NCK1: variants seen among roughly 807,000 people sequenced by gnomAD.
NCK1 encodes the protein SH2/SH3 adapter protein NCK1.
NCK1 carries 19 observed loss-of-function variants against 36.6 expected under a neutral mutation model. That is an observed-to-expected ratio of 0.52 (90% confidence interval 0.36 to 0.76). NCK1 has a LOEUF of 0.76. Ranked by LOEUF, NCK1 falls within the 30% of genes least tolerant of loss-of-function variation. NCK1 has a pLI of 0.00. For synonymous variants in NCK1, 165 were observed against 156.0 expected, an observed-to-expected ratio of 1.06 and a Z score of -0.43; for missense variants, 358 against 445.6, an observed-to-expected ratio of 0.80 and a Z score of 1.77.
chr3:136,923,293 C>T (rs1181331763), intron 1 of NCK1, among the ~76,000 whole-genome samples: 5 of 125,532 alleles, frequency 4.0e-5, no homozygotes, highest in African/African-American at 1.4e-4. Context: ...CGGTGGCTCA[C>T]GCCTGTAATC....
intron 3 of NCK1, 128 bp downstream of exon 3, chr3:136,946,423 C>A: frequency 4.0e-6 from 3 of 745,536 alleles, no homozygotes; most frequent in Non-Finnish European, 4.3e-6. Context: ...GTAACATAAG[C>A]ATAAATGTTC....
rs1184337526 is a variant in NCK1, at chr3:136,867,113, TTTCTTTGTTTC to T, written c.-19+4763_-19+4773del. Among the ~76,000 whole-genome samples, 30 of 29,114 alleles carry T rather than the reference TTTCTTTGTTTC, an allele frequency of 1.0e-3. 1 individual carries two copies. Among genetic ancestry groups the T allele is most frequent in the African/African-American group, 3.6e-3 (29 of 8,084 alleles). The allele number at this position is 29,114 out of a possible 152,430, so 19.1% of individuals were successfully genotyped here. A position where few individuals can be genotyped will look rare whatever the true frequency, so the allele number is the denominator to read the frequency against. ...CTTTCTTTCTTTCTTTCTTTCTTTC[TTTCTTTGTTTC>T]TTTCTTTCCTTCCTTCCTTCCTTCC... On this transcript the variant is annotated intron_variant, in intron 1 of 3. Transcript: ENST00000481752.
chr3:136,889,666 T>C (rs1939182573), intron 1 of NCK1, among the ~76,000 whole-genome samples: 1 of 152,052 alleles, frequency 6.6e-6, no homozygotes, highest in South Asian at 2.1e-4. Flanking sequence ...GCGTTTACAA[T>C]CCCTGAGCTA....
rs990423144 is a variant in NCK1, at chr3:136,951,023, C to T, written c.*2570C>T. On this transcript the variant is annotated 3_prime_UTR_variant, in exon 4 of 4. Transcript: ENST00000481752. Reference sequence around the variant, plus strand: ...TATATCACTATACAGTTAACACATGCACCTTGCACTATTAGTGACAAATAA... The same window carrying T: ...TATATCACTATACAGTTAACACATGTACCTTGCACTATTAGTGACAAATAA... 1.3e-5 allele frequency among the ~76,000 whole-genome samples: 2 copies of T among 152,152 alleles called. No individual in the cohort carries two copies. The highest frequency in any genetic ancestry group is 2.4e-5 in the African/African-American group (1 of 41,444).
intron 3 of NCK1, 99 bp from the exon 4 acceptor site, chr3:136,948,152 GCCTAGGAC>G (rs1484002981): frequency 2.0e-5 from 16 of 790,902 alleles, no homozygotes; most frequent in Non-Finnish European, 3.1e-5. Context: ...TTACCATGGT[GCCTAGGAC>G]TTAGTAAGTG....
chr3:136,879,481 GT>G (rs1560033073), intron 1 of NCK1, among the ~76,000 whole-genome samples: 1 of 152,126 alleles, frequency 6.6e-6, no homozygotes, highest in Non-Finnish European at 1.5e-5. Context: ...AAAATAAAGA[GT>G]TGTTTAGCCA....
chr3:136,899,589 C>T (rs762575890), intron 1 of NCK1: 133 of 611,936 alleles, frequency 2.2e-4, no homozygotes, highest in Non-Finnish European at 3.5e-4. Context: ...AAAAATTTTC[C>T]TCTGTTGTAC....
chr3:136,921,740 G>A (rs1039961656), intron 1 of NCK1, among the ~76,000 whole-genome samples: 3 of 152,164 alleles, frequency 2.0e-5, no homozygotes, highest in Admixed American at 1.3e-4. Context: ...TTTTTTAAAG[G>A]TTGAGTATGC....
At chr3:136,930,655 T>C (rs1940367396) in intron 2 of NCK1, 2 of 1,316,342 alleles carry the variant, frequency 1.5e-6, no homozygotes, top group East Asian at 5.7e-5. Flanking sequence ...GATTTTCTGC[T>C]TTTGTAAATT....
In NCK1 at chr3:136,948,449, C is replaced by G. The variant is rs1940886485; in HGVS notation, c.1130C>G (p.Ser377Ter). 6.2e-7 allele frequency: 1 copy of G among 1,610,794 alleles called. No individual in the cohort carries two copies. The highest frequency in any genetic ancestry group is 8.5e-7 in the Non-Finnish European group (1 of 1,178,010). The change falls in exon 4 of 4, where the codon TCA (serine) becomes TGA (stop). Residue 377 changes from serine (S) to a stop codon, truncating the protein, a stop_gained. Coordinates refer to ENST00000481752, the MANE Select transcript of NCK1 (RefSeq NM_001291999.2). LOFTEE classifies it high-confidence loss of function. ...AAATTATATCTTGTCAAGCATTTATCATGATACTGCTGACCAGAAGTGACT... is the reference window on the plus strand; with the variant it reads ...AAATTATATCTTGTCAAGCATTTATGATGATACTGCTGACCAGAAGTGACT... ...GEKLYLVKHL[S>*]
intron 1 of NCK1, among the ~76,000 whole-genome samples, chr3:136,905,819 C>T (rs1939669510): frequency 6.6e-6 from 1 of 151,244 alleles, no homozygotes; most frequent in South Asian, 2.1e-4. Context: ...GAGATGGGGT[C>T]TCACTATGTT....
rs373610001 is a variant in NCK1, at chr3:136,884,747, G to A, written c.-19+22394G>A. ...TTTTTTTTTCTTTTTTTGAGAGGGAGTCTCACTCTGTTGCCCAGGTTGGAG... is the reference window on the plus strand; with the variant it reads ...TTTTTTTTTCTTTTTTTGAGAGGGAATCTCACTCTGTTGCCCAGGTTGGAG... On this transcript the variant is annotated intron_variant, in intron 1 of 3. Transcript: ENST00000481752. 1.2e-4 allele frequency among the ~76,000 whole-genome samples: 18 copies of A among 144,250 alleles called. No homozygotes were observed. The East Asian group carries it at 3.1e-3, about 25-fold the overall frequency. 94.6% of individuals were successfully genotyped at this position (144,250 alleles called of 152,430 possible). A position where few individuals can be genotyped will look rare whatever the true frequency, so the allele number is the denominator to read the frequency against.
intron 1 of NCK1, among the ~76,000 whole-genome samples, chr3:136,905,591 C>T (rs993720504): frequency 6.6e-6 from 1 of 151,876 alleles, no homozygotes; most frequent in Non-Finnish European, 1.5e-5. Context: ...TCTTTAAAAT[C>T]AGTATTTGAG....
Position 136,950,680 on chromosome 3 carries a change from T to G in NCK1, c.*2227T>G, listed in dbSNP as rs1222823368. Among the ~76,000 whole-genome samples, 1 of 152,172 alleles carries G rather than the reference T, an allele frequency of 6.6e-6. No individual in the cohort carries two copies. Among genetic ancestry groups the G allele is most frequent in the Non-Finnish European group, 1.5e-5 (1 of 68,004 alleles). On this transcript the variant is annotated 3_prime_UTR_variant, in exon 4 of 4. Coordinates refer to ENST00000481752, the MANE Select transcript of NCK1 (RefSeq NM_001291999.2). ...TACTTGTATAAGAAACCAAGTTTCC[T>G]TATTCCCAGCCTGGTGTCTGTATCG...
chr3:136,919,466 G>T (rs1398900165), intron 1 of NCK1, among the ~76,000 whole-genome samples: 1 of 152,032 alleles, frequency 6.6e-6, no homozygotes, highest in Non-Finnish European at 1.5e-5. Flanking sequence ...TGAATTTCAT[G>T]TAGCCTCTGG....
chr3:136,864,361 C>T (rs903425699), intron 1 of NCK1, among the ~76,000 whole-genome samples: 19 of 150,738 alleles, frequency 1.3e-4, no homozygotes, highest in African/African-American at 4.6e-4. Flanking sequence ...CGTGGTGGCA[C>T]GCACCTGTAA....
intron 1 of NCK1, among the ~76,000 whole-genome samples, chr3:136,915,175 A>C (rs1939926750): frequency 6.6e-6 from 1 of 152,166 alleles, no homozygotes; most frequent in Admixed American, 6.5e-5. Flanking sequence ...TACGTACCTT[A>C]AGGAGGCTTC....
chr3:136,951,599 A>G lies in NCK1; in HGVS notation c.*3146A>G, dbSNP rs1940975653. The stretch of plus-strand genomic sequence containing the variant: ...GTATAATAAAGTCTTCTTTCAAGTC[A>G]AAATATAGAGACGAATCTCTGAAAC... On this transcript the variant is annotated 3_prime_UTR_variant, in exon 4 of 4. Transcript: ENST00000481752. Among the ~76,000 whole-genome samples the G allele has an allele frequency of 6.6e-6, 1 of 152,218 alleles. No homozygotes were observed. Among genetic ancestry groups the G allele is most frequent in the South Asian group, 2.1e-4 (1 of 4,836 alleles).
intron 1 of NCK1, among the ~76,000 whole-genome samples, chr3:136,904,880 C>T (rs1033545426): frequency 6.6e-6 from 1 of 150,706 alleles, no homozygotes; most frequent in Admixed American, 6.6e-5. Context: ...GGCTCATTTC[C>T]AAGGGCCTTT....
Sources: allele counts gnomAD v4.1 joint callset (sites outside exome capture counted in the v4.1 genomes callset), GRCh38; gene constraint gnomAD v4.1.1; transcripts MANE v1.5; gene names NCBI Gene and HGNC (gene_info 2026-07-23, HGNC 2026-07-21).